Variants in SRPK2 observed in about 807,000 individuals in gnomAD.
SRPK2 encodes the protein SFRS protein kinase 2.
Under a neutral mutation model 90.8 loss-of-function variants are expected in SRPK2, and 21 were observed. The observed-to-expected ratio is 0.23, with a 90% CI of 0.16 to 0.33. The LOEUF is 0.33. SRPK2 is among the 10% of genes least tolerant of loss of function. The pLI, the probability that SRPK2 is intolerant of heterozygous loss-of-function variation, is 1.00. For missense variants in SRPK2, 620 were observed against 869.0 expected, an observed-to-expected ratio of 0.71 and a Z score of 3.60; for synonymous variants, 288 against 311.1, an observed-to-expected ratio of 0.93 and a Z score of 0.78.
At chr7:105,280,086 T>C (rs1807060851) in intron 2 of SRPK2, among the ~76,000 whole-genome samples, 2 of 152,204 alleles carry the variant, frequency 1.3e-5, no homozygotes, top group Non-Finnish European at 2.9e-5. Context: ...AACAGACAAC[T>C]GAAACTACTT....
intron 2 of SRPK2, among the ~76,000 whole-genome samples, chr7:105,256,594 G>T (rs574448246): frequency 2.4e-4 from 36 of 152,138 alleles, no homozygotes; most frequent in Non-Finnish European, 4.6e-4. Flanking sequence ...CTGGCCTCAA[G>T]CAATCCTCCC....
chr7:105,259,986 C>T (rs1010187298), intron 2 of SRPK2, among the ~76,000 whole-genome samples: 3 of 152,166 alleles, frequency 2.0e-5, no homozygotes, highest in African/African-American at 7.2e-5. Context: ...GCAAAGACTT[C>T]ACGACTAAAA....
intron 2 of SRPK2, among the ~76,000 whole-genome samples, chr7:105,386,802 T>C (rs1468235980): frequency 2.0e-5 from 3 of 152,256 alleles, no homozygotes; most frequent in Non-Finnish European, 4.4e-5. Flanking sequence ...ATAATTGGGC[T>C]GGTCCCGTTA....
At chr7:105,218,586 G>C (rs1797737031) in intron 2 of SRPK2, among the ~76,000 whole-genome samples, 1 of 152,164 alleles carries the variant, frequency 6.6e-6, no homozygotes. Flanking sequence ...AATTTGTAAT[G>C]GTCCAAAAGG....
chr7:105,276,374 C>T (rs927427508), intron 2 of SRPK2, among the ~76,000 whole-genome samples: 1 of 152,156 alleles, frequency 6.6e-6, no homozygotes, highest in African/African-American at 2.4e-5. Context: ...GCCACCACTT[C>T]TGGCCCATAA....
intron 3 of SRPK2, among the ~76,000 whole-genome samples, chr7:105,171,502 C>T (rs1268496443): frequency 6.6e-6 from 1 of 152,144 alleles, no homozygotes; most frequent in African/African-American, 2.4e-5. Context: ...ACAAATTACT[C>T]AATAAAGATG....
At chr7:105,191,179 T>A (rs775085467) in intron 3 of SRPK2, among the ~76,000 whole-genome samples, 3 of 152,202 alleles carry the variant, frequency 2.0e-5, no homozygotes, top group Non-Finnish European at 4.4e-5. Context: ...GGGCTGCACA[T>A]TTGGCTCAGA....
chr7:105,180,003 T>G (rs529419686), intron 3 of SRPK2, among the ~76,000 whole-genome samples: 2 of 152,262 alleles, frequency 1.3e-5, no homozygotes, highest in Non-Finnish European at 1.5e-5. Context: ...ACAGCTATAC[T>G]GCCTGAAACA....
rs1199960290 is a variant in SRPK2, at chr7:105,395,500, C to T, written n.153+3656G>A. On this transcript the variant is annotated intron_variant and non_coding_transcript_variant, in intron 1 of 3. Transcript: ENST00000462282. ...ATCCCAGCACTTTGGGAGGCCAAGG[C>T]GGGCGAATCACCTGAGGTCAGGAGT... Among the ~76,000 whole-genome samples, 7 of 151,842 alleles carry T rather than the reference C, an allele frequency of 4.6e-5. No homozygotes were observed. The South Asian group carries it at 6.2e-4, about 14-fold the overall frequency.
intron 2 of SRPK2, among the ~76,000 whole-genome samples, chr7:105,346,489 C>T (rs566642165): frequency 1.3e-4 from 20 of 152,222 alleles, no homozygotes; most frequent in Admixed American, 1.2e-3. Context: ...GGTGCAGTGG[C>T]TCATGCCTAT....
intron 2 of SRPK2, among the ~76,000 whole-genome samples, chr7:105,216,428 C>A (rs1302496680): frequency 6.6e-6 from 1 of 151,992 alleles, no homozygotes; most frequent in African/African-American, 2.4e-5. Flanking sequence ...TATCACCCCC[C>A]AAAAACTCCT....
At chr7:105,237,780 G>A (rs535692307) in intron 2 of SRPK2, among the ~76,000 whole-genome samples, 3 of 152,142 alleles carry the variant, frequency 2.0e-5, no homozygotes, top group Non-Finnish European at 4.4e-5. Context: ...CATGAAGAAC[G>A]TAAGGAAGCA....
At chr7:105,301,809 A>T in intron 2 of SRPK2, 2 of 1,562,398 alleles carry the variant, frequency 1.3e-6, no homozygotes, top group Non-Finnish European at 1.8e-6. Context: ...AACCGCTATG[A>T]CCTGTACATT....
chr7:105,176,587 A>G lies in SRPK2; in HGVS notation c.230-7322T>C, dbSNP rs55761281. ...TGTGTGTGTGTGTGTGTGTATGTAT[A>G]TATGTGTGTGTGTGTGTGTGTGTAT... On this transcript the variant is annotated intron_variant, in intron 3 of 15. Coordinates refer to ENST00000393651, the MANE Select transcript of SRPK2 (RefSeq NM_182692.3). Among the ~76,000 whole-genome samples, 171 of 96,456 alleles carry G rather than the reference A, an allele frequency of 1.8e-3. 2 individuals carry two copies. The highest frequency in any genetic ancestry group is 6.4e-3 in the African/African-American group (154 of 23,958). The allele number at this position is 96,456 out of a possible 152,430, so 63.3% of individuals were successfully genotyped here.
At chr7:105,273,040 T>TC (rs1353847427) in intron 2 of SRPK2, among the ~76,000 whole-genome samples, 1 of 151,514 alleles carries the variant, frequency 6.6e-6, no homozygotes, top group East Asian at 2.0e-4. Flanking sequence ...ATGGTGAAAC[T>TC]CCGTCTCTAC....
chr7:105,357,611 G>A (rs768053010), intron 2 of SRPK2, among the ~76,000 whole-genome samples: 1 of 152,038 alleles, frequency 6.6e-6, no homozygotes, highest in Non-Finnish European at 1.5e-5. Flanking sequence ...GGGTGCGGTG[G>A]TGTGCGCTTG....
intron 2 of SRPK2, among the ~76,000 whole-genome samples, chr7:105,245,323 G>A (rs1215511961): frequency 2.0e-5 from 3 of 152,110 alleles, no homozygotes; most frequent in African/African-American, 7.2e-5. Context: ...AGGGGACATG[G>A]CATCTTCTCA....
chr7:105,273,288 G>C (rs562098506), intron 2 of SRPK2, among the ~76,000 whole-genome samples: 1 of 151,784 alleles, frequency 6.6e-6, no homozygotes, highest in African/African-American at 2.4e-5. Context: ...TGGAAATACT[G>C]AGCTCTAGTC....
chr7:105,203,553 G>T, intron 3 of SRPK2, 75 bp downstream of exon 3: 1 of 1,382,134 alleles, frequency 7.2e-7, no homozygotes, highest in Non-Finnish European at 9.4e-7. Flanking sequence ...TCCTCCCCTT[G>T]TCCATTCCCC....
Sources: allele counts gnomAD v4.1 joint callset (sites outside exome capture counted in the v4.1 genomes callset), GRCh38; gene constraint gnomAD v4.1.1; transcripts MANE v1.5; gene names NCBI Gene and HGNC (gene_info 2026-07-23, HGNC 2026-07-21).